The following SLC25A21 variants were observed in gnomAD, a reference collection of about 807,000 sequenced individuals.
SLC25A21 encodes the protein solute carrier family 25 member 21, also known as mitochondrial 2-oxodicarboxylate carrier.
SLC25A21 carries 47 observed loss-of-function variants against 43.8 expected under a neutral mutation model. The observed-to-expected ratio is 1.07, with a 90% CI of 0.85 to 1.37. The LOEUF (loss-of-function observed/expected upper bound fraction) is 1.37, where lower values mean the gene tolerates loss of function less well. SLC25A21 is among the 40% of genes most tolerant of loss of function. The pLI is 0.00. For synonymous variants in SLC25A21, 131 were observed against 121.3 expected, an observed-to-expected ratio of 1.08 and a Z score of -0.52; for missense variants, 352 against 350.2, an observed-to-expected ratio of 1.00 and a Z score of -0.04.
chr14:36,908,258 T>C (rs1259524771), intron 1 of SLC25A21, among the ~76,000 whole-genome samples: 1 of 152,174 alleles, frequency 6.6e-6, no homozygotes. Context: ...AGGTTCACTG[T>C]GACAAATGTA....
chr14:37,120,514 A>G (rs777125337), intron 1 of SLC25A21, among the ~76,000 whole-genome samples: 3 of 152,184 alleles, frequency 2.0e-5, no homozygotes, highest in African/African-American at 4.8e-5. Flanking sequence ...CCAGAGTTAG[A>G]AAGAAAGAAC....
intron 7 of SLC25A21, among the ~76,000 whole-genome samples, chr14:36,688,059 A>G (rs551989581): frequency 6.6e-6 from 1 of 152,200 alleles, no homozygotes; most frequent in African/African-American, 2.4e-5. Context: ...AATCCATACT[A>G]TGGTCACACT....
intron 3 of SLC25A21, among the ~76,000 whole-genome samples, chr14:36,784,438 T>C (rs1457941817): frequency 6.6e-6 from 1 of 152,190 alleles, no homozygotes; most frequent in South Asian, 2.1e-4. Context: ...AATTTGGTAG[T>C]GGCCTGAGAC....
intron 7 of SLC25A21, among the ~76,000 whole-genome samples, chr14:36,686,597 T>C (rs1882557769): frequency 6.6e-6 from 1 of 152,224 alleles, no homozygotes; most frequent in South Asian, 2.1e-4. Context: ...AAAAGTGTTA[T>C]AAGTGTTGCA....
intron 1 of SLC25A21, among the ~76,000 whole-genome samples, chr14:36,914,832 A>C (rs712396): frequency 0.019 from 2,922 of 152,278 alleles, 97 homozygotes; most frequent in African/African-American, 0.068. Flanking sequence ...TGGCTATTAC[A>C]CAAAGCAAGT....
intron 1 of SLC25A21, among the ~76,000 whole-genome samples, chr14:37,129,845 T>C (rs1447907557): frequency 6.6e-6 from 1 of 151,870 alleles, no homozygotes; most frequent in African/African-American, 2.4e-5. Context: ...TATTTATATT[T>C]ATCCTATTCT....
At chr14:36,756,141 G>A (rs1345744760) in intron 3 of SLC25A21, among the ~76,000 whole-genome samples, 1 of 152,178 alleles carries the variant, frequency 6.6e-6, no homozygotes, top group African/African-American at 2.4e-5. Context: ...CAAAAGGAAA[G>A]GGGGCTTAAG....
chr14:37,064,457 C>T (rs552290240), intron 1 of SLC25A21, among the ~76,000 whole-genome samples: 1 of 151,604 alleles, frequency 6.6e-6, no homozygotes, highest in East Asian at 1.9e-4. Context: ...GTTGGTCTGT[C>T]TTGGGAGAAC....
chr14:36,732,230 G>A (rs1324696996), intron 4 of SLC25A21, among the ~76,000 whole-genome samples: 2 of 151,534 alleles, frequency 1.3e-5, no homozygotes, highest in African/African-American at 4.9e-5. Flanking sequence ...TGAACATCTA[G>A]TATGTGTAGA....
At chr14:36,764,087 G>GA (rs1486638478) in intron 3 of SLC25A21, among the ~76,000 whole-genome samples, 1 of 26,044 alleles carries the variant, frequency 3.8e-5, no homozygotes, top group Non-Finnish European at 7.3e-5. Flanking sequence ...AAAGAAGGAA[G>GA]GAAGGAAGGA....
rs186919912 is a variant in SLC25A21, at chr14:36,735,414, A to G, written c.204-841T>C. On this transcript the variant is annotated intron_variant, in intron 3 of 9. Transcript: ENST00000331299. The stretch of plus-strand genomic sequence containing the variant: ...CTTCATTTCAAACCTTAAAATATAT[A>G]AATAGAAGAGAATATTATGCATTAT... Among the ~76,000 whole-genome samples the G allele has an allele frequency of 5.9e-3, 899 of 151,734 alleles. 5 individuals are homozygous for G. The highest frequency in any genetic ancestry group is 7.9e-3 in the Non-Finnish European group (540 of 67,928).
In SLC25A21 at chr14:37,108,064, G is replaced by A. The variant is rs568207378; in HGVS notation, c.70+64217C>T. ...ATGGGCAAGGCTCTTAAGCCTTGTC[G>A]TCCATAATTCTCCCACCTGTGAAAT... On this transcript the variant is annotated intron_variant, in intron 1 of 9. Transcript: ENST00000331299. Among the ~76,000 whole-genome samples, 63 of 152,198 alleles carry A rather than the reference G, an allele frequency of 4.1e-4. No homozygotes were observed. The South Asian group carries it at 0.012, about 29-fold the overall frequency.
chr14:36,956,258 T>C (rs1959339378), intron 1 of SLC25A21, among the ~76,000 whole-genome samples: 1 of 152,212 alleles, frequency 6.6e-6, no homozygotes, highest in South Asian at 2.1e-4. Flanking sequence ...CAGAGATGCA[T>C]AGTACACGCA....
At chr14:37,105,150 C>T (rs1018196332) in intron 1 of SLC25A21, among the ~76,000 whole-genome samples, 4 of 152,264 alleles carry the variant, frequency 2.6e-5, no homozygotes, top group African/African-American at 9.6e-5. Context: ...ACAGCAGAGG[C>T]AGACCTTAGT....
At chr14:36,806,202 A>G (rs1888036265) in intron 3 of SLC25A21, among the ~76,000 whole-genome samples, 1 of 151,562 alleles carries the variant, frequency 6.6e-6, no homozygotes, top group Admixed American at 6.6e-5. Flanking sequence ...TGGGTGAGAG[A>G]GCTTTTTTTA....
At chr14:37,043,924 TG>T (rs1310471176) in intron 1 of SLC25A21, among the ~76,000 whole-genome samples, 1 of 136,912 alleles carries the variant, frequency 7.3e-6, no homozygotes, top group African/African-American at 3.1e-5. Flanking sequence ...TTGTTTTGTT[TG>T]TTTTATGTTT....
chr14:36,912,349 C>T (rs1272577160), intron 1 of SLC25A21, among the ~76,000 whole-genome samples: 6 of 152,156 alleles, frequency 3.9e-5, no homozygotes, highest in South Asian at 2.1e-4. Context: ...TGAGGTCATG[C>T]GGCAGAGCAG....
intron 1 of SLC25A21, among the ~76,000 whole-genome samples, chr14:37,099,972 A>C (rs1962785282): frequency 6.6e-6 from 1 of 152,152 alleles, no homozygotes. Flanking sequence ...GCAGTTCTTC[A>C]CATCCTCCTC....
At chr14:36,878,318 C>A (rs1209302843) in intron 1 of SLC25A21, among the ~76,000 whole-genome samples, 1 of 152,090 alleles carries the variant, frequency 6.6e-6, no homozygotes, top group African/African-American at 2.4e-5. Context: ...ATTATTTATT[C>A]ACTGTTATTT....
Sources: gnomAD v4.1 joint callset for allele counts (sites outside exome capture counted in the v4.1 genomes callset) on GRCh38, gnomAD v4.1.1 for gene constraint, MANE v1.5 for transcripts, NCBI Gene and HGNC (gene_info 2026-07-23, HGNC 2026-07-21) for gene names.